Variants in IRF2 observed in about 807,000 individuals in gnomAD.
IRF2 encodes the protein interferon regulatory factor 2.
Under a neutral mutation model 40.6 loss-of-function variants are expected in IRF2, and 15 were observed. That is an observed-to-expected ratio of 0.37 (90% CI 0.25 to 0.57). The LOEUF (loss-of-function observed/expected upper bound fraction) is 0.57. Among genes scored for constraint, IRF2 ranks in the 20% least tolerant of loss-of-function variants. IRF2 has a pLI of 0.77. For synonymous variants in IRF2, 151 were observed against 165.5 expected (o/e 0.91, Z 0.67); for missense variants, 317 against 455.7 (o/e 0.70, Z 2.77).
At chr4:184,473,058 G>C (rs968230342) in intron 1 of IRF2, among the ~76,000 whole-genome samples, 3 of 151,794 alleles carry the variant, frequency 2.0e-5, no homozygotes, top group Admixed American at 6.5e-5. Context: ...CCCAGGCCGT[G>C]CCACTGGGAG....
At chr4:184,464,043 G>A (rs1330970313) in intron 1 of IRF2, among the ~76,000 whole-genome samples, 5 of 152,170 alleles carry the variant, frequency 3.3e-5, no homozygotes, top group Non-Finnish European at 5.9e-5. Context: ...GATAGGGACC[G>A]TTTATGACAT....
At chr4:184,460,323 G>C (rs58924691) in intron 1 of IRF2, among the ~76,000 whole-genome samples, 9,188 of 152,232 alleles carry the variant, frequency 0.06, 759 homozygotes, top group African/African-American at 0.19. Context: ...CAGGGGCTGC[G>C]GGAAGCAGTT....
chr4:184,422,441 C>T (rs1737516136), intron 2 of IRF2, among the ~76,000 whole-genome samples: 1 of 152,184 alleles, frequency 6.6e-6, no homozygotes, highest in South Asian at 2.1e-4. Context: ...TGGATATATA[C>T]CCAAAGAATT....
rs748941639 is a variant in IRF2 at position 184,458,948 on chromosome 4, G to A, written c.-7+15431C>T. ...ATGCTTTTATCCATTTTACTTAACA[G>A]ATCTGTTATTACGGCAATATTTTTT... On this transcript the variant is annotated intron_variant, in intron 1 of 8. Coordinates refer to ENST00000393593, the MANE Select transcript of IRF2 (RefSeq NM_002199.4). 1.6e-4 allele frequency among the ~76,000 whole-genome samples: 24 copies of A among 151,946 alleles called. 1 individual carries two copies. The highest frequency in any genetic ancestry group is 2.1e-4 in the South Asian group (1 of 4,824).
At chr4:184,449,473 A>G (rs1261487031) in intron 1 of IRF2, among the ~76,000 whole-genome samples, 1 of 152,274 alleles carries the variant, frequency 6.6e-6, no homozygotes, top group Non-Finnish European at 1.5e-5. Context: ...CAGGGCCCAG[A>G]GTACGGCAGA....
chr4:184,421,382 C>T (rs185356888), intron 2 of IRF2, among the ~76,000 whole-genome samples: 30 of 152,202 alleles, frequency 2.0e-4, no homozygotes, highest in Admixed American at 1.8e-3. Flanking sequence ...GAGAGGGCTT[C>T]GGGTTAGCCA....
intron 1 of IRF2, among the ~76,000 whole-genome samples, chr4:184,439,018 G>A (rs1227966976): frequency 1.3e-5 from 2 of 152,094 alleles, no homozygotes; most frequent in Non-Finnish European, 2.9e-5. Flanking sequence ...GGCTAGATAC[G>A]GAAAAAACCA....
intron 1 of IRF2, among the ~76,000 whole-genome samples, chr4:184,450,378 C>T (rs771862057): frequency 1.4e-4 from 22 of 152,088 alleles, no homozygotes; most frequent in Admixed American, 3.9e-4. Flanking sequence ...TCACGCTACA[C>T]GAAAAATCAG....
intron 1 of IRF2, among the ~76,000 whole-genome samples, chr4:184,442,890 G>C (rs1561116584): frequency 6.7e-6 from 1 of 149,722 alleles, no homozygotes; most frequent in Non-Finnish European, 1.5e-5. Context: ...TTGTGGGGGT[G>C]GGGGTGGGGG....
intron 8 of IRF2, among the ~76,000 whole-genome samples, chr4:184,389,643 T>A (rs1304280694): frequency 6.6e-6 from 1 of 152,118 alleles, no homozygotes; most frequent in Non-Finnish European, 1.5e-5. Flanking sequence ...CTCCCAGAAA[T>A]ACTTTCCAGA....
chr4:184,399,181 TC>T, intron 6 of IRF2, 102 bp from the exon 7 acceptor site: 1 of 1,219,130 alleles, frequency 8.2e-7, no homozygotes, highest in Non-Finnish European at 1.1e-6. Flanking sequence ...GTCGCCAGGC[TC>T]CCATCACCAT....
At chr4:184,402,724 T>G (rs941193109) in intron 6 of IRF2, among the ~76,000 whole-genome samples, 2 of 152,138 alleles carry the variant, frequency 1.3e-5, no homozygotes, top group African/African-American at 4.8e-5. Flanking sequence ...ATGTCAAGAC[T>G]TCTGACAAGT....
intron 5 of IRF2, among the ~76,000 whole-genome samples, chr4:184,410,047 G>A (rs1249902469): frequency 6.6e-6 from 1 of 151,874 alleles, no homozygotes; most frequent in Non-Finnish European, 1.5e-5. Context: ...TCCGGACTTC[G>A]CCTCTCCACC....
intron 8 of IRF2, among the ~76,000 whole-genome samples, chr4:184,389,949 T>G (rs1736195978): frequency 6.6e-6 from 1 of 152,236 alleles, no homozygotes; most frequent in Non-Finnish European, 1.5e-5. Context: ...TTCAGAGAAG[T>G]GGCTAGAGCT....
chr4:184,449,190 A>T (rs1255811241), intron 1 of IRF2: 1 of 152,702 alleles, frequency 6.5e-6, no homozygotes, highest in Non-Finnish European at 1.5e-5. Flanking sequence ...CCCTTCCAAA[A>T]GCACAAACAG....
intron 6 of IRF2, among the ~76,000 whole-genome samples, chr4:184,406,763 T>C (rs543729995): frequency 2.8e-4 from 43 of 152,292 alleles, no homozygotes; most frequent in Admixed American, 1.0e-3. Flanking sequence ...GCTGTGAATC[T>C]GCTCTCCTGT....
rs376135144 is a variant in IRF2 at position 184,456,161 on chromosome 4, A to G, written c.-7+18218T>C. Among the ~76,000 whole-genome samples the G allele has an allele frequency of 1.1e-4, 16 of 152,348 alleles. No homozygotes were observed. The East Asian group carries it at 2.9e-3, about 28-fold the overall frequency. On this transcript the variant is annotated intron_variant, in intron 1 of 8. Transcript: ENST00000393593. ...CACTGGGTTCGAGTTCCCTCTCTGC[A>G]TCAGACTCACCCCCATTAGTTCATT...
chr4:184,473,124 G>C (rs949542190), intron 1 of IRF2, among the ~76,000 whole-genome samples: 1 of 152,010 alleles, frequency 6.6e-6, no homozygotes, highest in African/African-American at 2.4e-5. Context: ...GAGCCCTACC[G>C]GCGAGGCGGA....
chr4:184,391,609 G>T (rs1162980729), intron 7 of IRF2, among the ~76,000 whole-genome samples: 4 of 152,198 alleles, frequency 2.6e-5, no homozygotes, highest in Non-Finnish European at 5.9e-5. Context: ...CCCTTCCCCA[G>T]TTGAGCCTCA....
Sources: allele counts gnomAD v4.1 joint callset (sites outside exome capture counted in the v4.1 genomes callset), GRCh38; gene constraint gnomAD v4.1.1; transcripts MANE v1.5; gene names NCBI Gene and HGNC (gene_info 2026-07-23, HGNC 2026-07-21).